DAAM2: variants seen among roughly 807,000 people sequenced by gnomAD.
DAAM2 encodes the protein disheveled-associated activator of morphogenesis 2.
Under a neutral mutation model 120.7 loss-of-function variants are expected in DAAM2, and 39 were observed. The ratio of observed to expected loss-of-function variants is 0.32; its 90% CI spans 0.25 to 0.42. The LOEUF (loss-of-function observed/expected upper bound fraction) is 0.42, where lower values mean the gene tolerates loss of function less well. Among genes scored for constraint, DAAM2 ranks in the 10% least tolerant of loss-of-function variants. DAAM2 has a pLI of 1.00. For missense variants in DAAM2, 1,283 were observed against 1,401.7 expected (o/e 0.92, Z 1.35); for synonymous variants, 488 against 524.9 (o/e 0.93, Z 0.96).
At chr6:39,900,306 C>T (rs1766401995) in intron 23 of DAAM2, 98 bp downstream of exon 23, 3 of 1,376,226 alleles carry the variant, frequency 2.2e-6, no homozygotes, top group Non-Finnish European at 2.9e-6. Context: ...GGGACAAACC[C>T]AGAGTTACAG....
chr6:39,881,577 T>C (rs538538629), intron 14 of DAAM2, among the ~76,000 whole-genome samples: 97 of 152,058 alleles, frequency 6.4e-4, no homozygotes, highest in Non-Finnish European at 1.1e-3. Flanking sequence ...ATTAGCAGGG[T>C]GTGGTGGCGC....
chr6:39,839,782 T>C (rs1018365292), intron 1 of DAAM2, among the ~76,000 whole-genome samples: 2 of 152,242 alleles, frequency 1.3e-5, no homozygotes, highest in Non-Finnish European at 2.9e-5. Context: ...GAGCCCAGTG[T>C]TCACACAGGT....
rs968166545 is a variant in DAAM2 at position 39,856,363 on chromosome 6, G to A, written c.61G>A (p.Asp21Asn). Residue 21 changes from aspartate to asparagine, a missense_variant, in exon 2 of 25, where the codon GAC becomes AAC. This residue lies in a region of DAAM2 where 197 missense variants were observed against 189.3 expected (regional missense o/e 1.04). Transcript: ENST00000274867. ...CTTCCTGTGCTGCTTCGGGGGCAGT[G>A]ACATCCCCGAAATCAACCTCCGGGA... ...LGFLCCFGGS[D>N]IPEINLRDNH... The A allele has an allele frequency of 1.9e-6, 3 of 1,553,944 alleles. No homozygotes were observed. Among genetic ancestry groups the A allele is most frequent in the African/African-American group, 2.8e-5 (2 of 72,674 alleles).
intron 1 of DAAM2, 117 bp from the exon 2 acceptor site, chr6:39,856,130 T>C (rs1763991713): frequency 3.2e-6 from 4 of 1,259,366 alleles, no homozygotes; most frequent in Non-Finnish European, 2.0e-6. Flanking sequence ...GGGGCTTTGC[T>C]ATTGGGTTGA....
At chr6:39,868,222 T>G (rs867814481) in intron 6 of DAAM2, 1 of 282,370 alleles carries the variant, frequency 3.5e-6, no homozygotes, top group South Asian at 4.8e-5. Flanking sequence ...GATTGAGATT[T>G]TAGGTGCTAT....
At chr6:39,826,391 G>A (rs1438744377) in intron 1 of DAAM2, among the ~76,000 whole-genome samples, 2 of 152,164 alleles carry the variant, frequency 1.3e-5, no homozygotes, top group African/African-American at 2.4e-5. Flanking sequence ...TTCTAGGAAA[G>A]CAAGTCTCTT....
At chr6:39,815,880 CTT>C (rs1444181591) in intron 1 of DAAM2, among the ~76,000 whole-genome samples, 1 of 152,252 alleles carries the variant, frequency 6.6e-6, no homozygotes, top group Non-Finnish European at 1.5e-5. Flanking sequence ...AGGTCCCCCT[CTT>C]TATTATGTTG....
intron 15 of DAAM2, chr6:39,885,364 G>A (rs1448435099): frequency 1.5e-5 from 2 of 135,944 alleles, no homozygotes; most frequent in East Asian, 4.9e-4. Context: ...TGGCTCCTGG[G>A]AGCCAATTCT....
At position 39,904,085 on chromosome 6, in the gene DAAM2, G is replaced by A. The variant is rs1194392338; in HGVS notation, c.*2048G>A. On this transcript the variant is annotated 3_prime_UTR_variant, in exon 25 of 25. Transcript: ENST00000274867. The stretch of plus-strand genomic sequence containing the variant: ...AACCCCCTCAGGGGCAGGGAACAGG[G>A]GAGGGCTCCACAAGCGTGTCTGGCA... 2.4e-6 allele frequency: 1 copy of A among 421,264 alleles called. No individual in the cohort carries two copies. The highest frequency in any genetic ancestry group is 2.0e-5 in the African/African-American group (1 of 49,008). 26.1% of individuals were successfully genotyped at this position (421,264 alleles called of 1,614,324 possible).
chr6:39,872,209 C>G (rs746336008), intron 9 of DAAM2, among the ~76,000 whole-genome samples: 6 of 152,124 alleles, frequency 3.9e-5, no homozygotes, highest in Non-Finnish European at 8.8e-5. Context: ...GATTCAAATG[C>G]CAGTCTCTTT....
chr6:39,853,540 A>G (rs1205985258), intron 1 of DAAM2, among the ~76,000 whole-genome samples: 2 of 152,236 alleles, frequency 1.3e-5, no homozygotes, highest in Non-Finnish European at 2.9e-5. Flanking sequence ...GGTATGGCAC[A>G]GGCCCTGGCC....
chr6:39,896,194 T>TTTTTGTC (rs1554185441), intron 19 of DAAM2, among the ~76,000 whole-genome samples: 1 of 148,896 alleles, frequency 6.7e-6, no homozygotes, highest in African/African-American at 2.5e-5. Context: ...CTGAATAATC[T>TTTTTGTC]TTTTTTCTTT....
chr6:39,803,968 T>C (rs72855644), intron 1 of DAAM2, among the ~76,000 whole-genome samples: 3,289 of 152,284 alleles, frequency 0.022, 64 homozygotes, highest in African/African-American at 0.051. Context: ...CTGGAGGGAA[T>C]AGTCACAGAC....
Position 39,888,702 on chromosome 6 carries a change from T to C in DAAM2, c.2084T>C (p.Ile695Thr). 3 of 1,613,250 alleles carry C rather than the reference T, an allele frequency of 1.9e-6. No individual in the cohort carries two copies. Among genetic ancestry groups the C allele is most frequent in the Non-Finnish European group, 2.5e-6 (3 of 1,179,484 alleles). ...AGGTTGAAGCTTTCTAACGAGGAGATCCGGCAGGCCATCTTGAAGATGGAT... is the reference window on the plus strand; with the variant it reads ...AGGTTGAAGCTTTCTAACGAGGAGACCCGGCAGGCCATCTTGAAGATGGAT... ...LSKLKLSNEE[I>T]RQAILKMDEQ... Residue 695 changes from isoleucine (I) to threonine (T), a missense_variant, in exon 17 of 25, where the codon ATC (isoleucine) becomes ACC (threonine). Ile to Thr is a moderately conservative substitution (Grantham distance 89, BLOSUM62 -1). Transcript: ENST00000274867.
At chr6:39,801,269 C>T (rs1761854939) in intron 1 of DAAM2, among the ~76,000 whole-genome samples, 1 of 152,194 alleles carries the variant, frequency 6.6e-6, no homozygotes, top group Non-Finnish European at 1.5e-5. Context: ...CAACCCTCAA[C>T]TGATTTCTCT....
At chr6:39,892,685 G>A (rs2149361107) in intron 19 of DAAM2, among the ~76,000 whole-genome samples, 2 of 152,204 alleles carry the variant, frequency 1.3e-5, no homozygotes, top group Admixed American at 1.3e-4. Flanking sequence ...ACCAGGCTGG[G>A]GGCAGAACAG....
At chr6:39,889,300 T>C (rs1176314954) in intron 17 of DAAM2, among the ~76,000 whole-genome samples, 2 of 152,142 alleles carry the variant, frequency 1.3e-5, no homozygotes, top group Non-Finnish European at 2.9e-5. Flanking sequence ...GATTTCCAAA[T>C]AGACAATAAG....
Position 39,864,497 on chromosome 6 carries a change from C to T in DAAM2, c.323C>T (p.Ser108Phe), listed in dbSNP as rs1359956231. ...WPDYYIDRIN[S>F]MAAMQSLYAF... ...GACTATTACATCGACCGCATCAATT[C>T]CATGGCTGCGGTGAGTGGCTGCCCC... Residue 108 changes from serine to phenylalanine, a missense_variant, in exon 4 of 25, where the codon TCC becomes TTC. Coordinates refer to ENST00000274867, the MANE Select transcript of DAAM2 (RefSeq NM_001201427.2). 6.2e-7 allele frequency: 1 copy of T among 1,610,724 alleles called. No homozygotes were observed. The highest frequency in any genetic ancestry group is 1.3e-5 in the African/African-American group (1 of 74,972).
intron 1 of DAAM2, among the ~76,000 whole-genome samples, chr6:39,833,335 C>T (rs543263635): frequency 4.0e-5 from 6 of 151,880 alleles, no homozygotes; most frequent in Admixed American, 1.3e-4. Context: ...ATGGGAGTCT[C>T]GCTCTGTCGC....
Sources: allele counts gnomAD v4.1 joint callset (sites outside exome capture counted in the v4.1 genomes callset), GRCh38; gene constraint gnomAD v4.1.1; regional missense constraint gnomAD v4.1.1; transcripts MANE v1.5; gene names NCBI Gene and HGNC (gene_info 2026-07-23, HGNC 2026-07-21).